NBEA: variants seen among roughly 807,000 people sequenced by gnomAD.
NBEA encodes the protein lysosomal-trafficking regulator 2.
In NBEA, 44 loss-of-function variants were observed where a neutral mutation model predicts 343.4. The ratio of observed to expected loss-of-function variants is 0.13; its 90% CI spans 0.10 to 0.16. The LOEUF is 0.16. Among genes scored for constraint, NBEA ranks in the 10% least tolerant of loss-of-function variants. The pLI is 1.00. For missense variants in NBEA, 2,555 were observed against 3,631.3 expected (o/e 0.70, Z 7.62); for synonymous variants, 1,175 against 1,238.7 (o/e 0.95, Z 1.08).
At position 34,942,296 on chromosome 13, in the gene NBEA, G is replaced by T; in HGVS notation, c.-525G>T. ...CAGTGGCTGCTACCGCAGGCAGGGG[G>T]CGGCAACATGGCGGAGTGAGCGGCG... On this transcript the variant is annotated 5_prime_UTR_variant, in exon 1 of 59. Transcript: ENST00000379939. 6.5e-6 allele frequency: 1 copy of T among 154,060 alleles called. No homozygotes were observed. The highest frequency in any genetic ancestry group is 1.4e-5 in the Non-Finnish European group (1 of 69,130). The allele number at this position is 154,060 out of a possible 1,614,324, so 9.5% of individuals were successfully genotyped here. A position where few individuals can be genotyped will look rare whatever the true frequency, so the allele number is the denominator to read the frequency against.
intron 33 of NBEA, among the ~76,000 whole-genome samples, chr13:35,222,611 T>C (rs374583607): frequency 6.6e-6 from 1 of 152,168 alleles, no homozygotes; most frequent in Non-Finnish European, 1.5e-5. Context: ...GTAGACAATA[T>C]TTCAAACATT....
chr13:35,412,700 GT>G (rs1430823251), intron 38 of NBEA, among the ~76,000 whole-genome samples: 5 of 152,000 alleles, frequency 3.3e-5, no homozygotes, highest in African/African-American at 9.7e-5. Flanking sequence ...AGAGTATTTA[GT>G]ACTGGTTTTA....
chr13:35,374,641 G>T (rs1489196707), intron 38 of NBEA, among the ~76,000 whole-genome samples: 1 of 151,998 alleles, frequency 6.6e-6, no homozygotes, highest in African/African-American at 2.4e-5. Flanking sequence ...TAAATAAATG[G>T]ATATTTCAAA....
intron 18 of NBEA, among the ~76,000 whole-genome samples, chr13:35,143,427 G>T (rs1182846787): frequency 1.3e-5 from 2 of 152,134 alleles, no homozygotes; most frequent in East Asian, 3.9e-4. Context: ...GTCAAAACAA[G>T]AAAAGAAAAG....
At chr13:35,621,831 G>T (rs1454103263) in intron 48 of NBEA, among the ~76,000 whole-genome samples, 1 of 152,108 alleles carries the variant, frequency 6.6e-6, no homozygotes, top group Non-Finnish European at 1.5e-5. Context: ...TGTGGGAAAT[G>T]CAAGATAAGA....
At chr13:35,362,180 T>G (rs2152875449) in intron 38 of NBEA, among the ~76,000 whole-genome samples, 1 of 152,138 alleles carries the variant, frequency 6.6e-6, no homozygotes, top group Admixed American at 6.6e-5. Flanking sequence ...CAAATATTAT[T>G]TAATTGTTGT....
chr13:35,147,115 A>G (rs1189530991), intron 18 of NBEA, among the ~76,000 whole-genome samples: 1 of 152,198 alleles, frequency 6.6e-6, no homozygotes, highest in African/African-American at 2.4e-5. Flanking sequence ...TCACTAAACA[A>G]GTCACCATAT....
intron 48 of NBEA, among the ~76,000 whole-genome samples, chr13:35,615,153 A>AAAAAG (rs2082683363): frequency 6.6e-6 from 1 of 150,444 alleles, no homozygotes; most frequent in Non-Finnish European, 1.5e-5. Context: ...ACAAAAAAAA[A>AAAAAG]TTAACAAGGC....
chr13:35,355,128 C>A (rs2040419473), intron 38 of NBEA, among the ~76,000 whole-genome samples: 1 of 152,180 alleles, frequency 6.6e-6, no homozygotes, highest in African/African-American at 2.4e-5. Flanking sequence ...GCTTCGACTG[C>A]TTCTCACCAT....
intron 33 of NBEA, among the ~76,000 whole-genome samples, chr13:35,211,680 T>C (rs1219079179): frequency 6.6e-6 from 1 of 151,944 alleles, no homozygotes; most frequent in Middle Eastern, 3.2e-3. Flanking sequence ...CAGGGTGTGG[T>C]GGTGCACGCC....
At chr13:35,206,768 G>A (rs530642009) in intron 31 of NBEA, among the ~76,000 whole-genome samples, 4 of 152,050 alleles carry the variant, frequency 2.6e-5, no homozygotes, top group South Asian at 2.1e-4. Flanking sequence ...TTAGTCTTAC[G>A]ATTTTACACT....
intron 17 of NBEA, among the ~76,000 whole-genome samples, chr13:35,131,119 T>C (rs2067401024): frequency 6.6e-6 from 1 of 151,986 alleles, no homozygotes; most frequent in African/African-American, 2.4e-5. Flanking sequence ...AGGGCAGAAG[T>C]GAATGAAACA....
chr13:35,438,514 G>A (rs1203952781), intron 39 of NBEA, among the ~76,000 whole-genome samples: 1 of 152,136 alleles, frequency 6.6e-6, no homozygotes, highest in African/African-American at 2.4e-5. Flanking sequence ...ACTTGATTTT[G>A]TAAAACCTAA....
At chr13:35,038,908 G>A (rs1363286907) in intron 1 of NBEA, among the ~76,000 whole-genome samples, 1 of 152,136 alleles carries the variant, frequency 6.6e-6, no homozygotes, top group Non-Finnish European at 1.5e-5. Context: ...AGTCCACTGT[G>A]TTTGGGCCTA....
At chr13:35,616,880 G>A (rs1269774011) in intron 48 of NBEA, among the ~76,000 whole-genome samples, 1 of 152,160 alleles carries the variant, frequency 6.6e-6, no homozygotes, top group Admixed American at 6.5e-5. Context: ...CTGATAAGCA[G>A]ACTTTATTCA....
intron 34 of NBEA, among the ~76,000 whole-genome samples, chr13:35,240,026 TAATTGCGATTTTATTAGCAATTGGCAAA>T (rs2029945305): frequency 6.6e-6 from 1 of 151,038 alleles, no homozygotes; most frequent in South Asian, 2.1e-4. Context: ...GGTGCAAAAG[TAATTGCGATTTTATTAGCAATTGGCAAA>T]AATCGCAATT....
At chr13:35,353,150 T>A (rs754696163) in intron 38 of NBEA, among the ~76,000 whole-genome samples, 12 of 152,134 alleles carry the variant, frequency 7.9e-5, no homozygotes, top group Non-Finnish European at 1.6e-4. Context: ...AAAATGATTC[T>A]GTTGACCTGG....
chr13:35,663,255 A>C (rs999487429), intron 55 of NBEA, among the ~76,000 whole-genome samples: 5 of 152,106 alleles, frequency 3.3e-5, no homozygotes, highest in African/African-American at 1.2e-4. Flanking sequence ...TGTTCTACCC[A>C]TTAACCAACA....
At chr13:35,218,786 G>GTA (rs1163495518) in intron 33 of NBEA, among the ~76,000 whole-genome samples, 1 of 151,800 alleles carries the variant, frequency 6.6e-6, no homozygotes, top group Non-Finnish European at 1.5e-5. Context: ...TGTTAACATG[G>GTA]TATACTATAT....
Sources: gnomAD v4.1 joint callset for allele counts (sites outside exome capture counted in the v4.1 genomes callset) on GRCh38, gnomAD v4.1.1 for gene constraint, MANE v1.5 for transcripts, NCBI Gene and HGNC (gene_info 2026-07-23, HGNC 2026-07-21) for gene names.